DMRT1: variants seen among roughly 807,000 people sequenced by gnomAD.
DMRT1 encodes doublesex and mab-3 related transcription factor 1, also known as doublesex- and mab-3-related transcription factor 1.
Under a neutral mutation model 32.3 loss-of-function variants are expected in DMRT1, and 7 were observed. That is an observed-to-expected ratio of 0.22 (90% CI 0.12 to 0.41). The LOEUF (loss-of-function observed/expected upper bound fraction) is 0.41. DMRT1 is among the 10% of genes least tolerant of loss of function. The pLI is 1.00. For missense variants in DMRT1, 625 were observed against 500.5 expected, an observed-to-expected ratio of 1.25 and a Z score of -2.37; for synonymous variants, 278 against 206.1, an observed-to-expected ratio of 1.35 and a Z score of -2.99.
intron 2 of DMRT1, among the ~76,000 whole-genome samples, chr9:859,000 A>G (rs1039657448): frequency 6.6e-6 from 1 of 151,826 alleles, no homozygotes; most frequent in African/African-American, 2.4e-5. Context: ...CCAGACAGAA[A>G]CTCTGTACCC....
At position 886,565 on chromosome 9, in the gene DMRT1, C is replaced by A. The variant is rs182621174; in HGVS notation, c.539-7347C>A. 4.5e-3 allele frequency among the ~76,000 whole-genome samples: 678 copies of A among 152,128 alleles called. 7 individuals carry two copies. Among genetic ancestry groups the A allele is most frequent in the African/African-American group, 0.015 (643 of 41,510 alleles). Reference sequence around the variant, plus strand: ...GCCACCGTGTACGGCCAAACTGTCACTTCTTACTGTGACTTTTTTTTTTCC... The same window carrying A: ...GCCACCGTGTACGGCCAAACTGTCAATTCTTACTGTGACTTTTTTTTTTCC... On this transcript the variant is annotated intron_variant, in intron 2 of 4. Transcript: ENST00000382276.
chr9:963,514 CCTT>C (rs1163649124), intron 4 of DMRT1, among the ~76,000 whole-genome samples: 2 of 152,124 alleles, frequency 1.3e-5, no homozygotes, highest in Non-Finnish European at 1.5e-5. Flanking sequence ...TACAGCTCAG[CCTT>C]CTTCTTAACT....
At chr9:878,613 T>A (rs1816607840) in intron 2 of DMRT1, among the ~76,000 whole-genome samples, 1 of 152,130 alleles carries the variant, frequency 6.6e-6, no homozygotes, top group Admixed American at 6.5e-5. Context: ...TTGGGAAGCC[T>A]GGCCAGGTGC....
intron 3 of DMRT1, among the ~76,000 whole-genome samples, chr9:915,997 T>C (rs1292738969): frequency 1.3e-5 from 2 of 152,204 alleles, no homozygotes. Context: ...CCTCCCAAAG[T>C]GCTGGGATTA....
At chr9:947,110 C>T (rs1819272002) in intron 4 of DMRT1, among the ~76,000 whole-genome samples, 1 of 152,146 alleles carries the variant, frequency 6.6e-6, no homozygotes, top group South Asian at 2.1e-4. Context: ...TGAACCCTAC[C>T]CCATTTAGTG....
intron 2 of DMRT1, among the ~76,000 whole-genome samples, chr9:878,523 A>G (rs979589501): frequency 1.3e-5 from 2 of 152,106 alleles, no homozygotes; most frequent in African/African-American, 4.8e-5. Flanking sequence ...TTTAGGGAGT[A>G]ATATCACACC....
At chr9:862,304 A>G (rs1815747943) in intron 2 of DMRT1, among the ~76,000 whole-genome samples, 1 of 152,188 alleles carries the variant, frequency 6.6e-6, no homozygotes, top group Admixed American at 6.5e-5. Flanking sequence ...GCTGGAGACC[A>G]GCCCCGCCAA....
At chr9:885,965 C>T (rs1816912344) in intron 2 of DMRT1, among the ~76,000 whole-genome samples, 2 of 152,184 alleles carry the variant, frequency 1.3e-5, no homozygotes, top group Admixed American at 6.5e-5. Flanking sequence ...GAAAACAATG[C>T]TGCTAGCTTT....
rs149705859 is a variant in DMRT1, at chr9:871,765, T to C, written c.539-22147T>C. ...CTGGGATTACAGGCGTGAGCAACCGTGCCTGGCCGGCCTAGTCTTTGAACT... is the reference window on the plus strand; with the variant it reads ...CTGGGATTACAGGCGTGAGCAACCGCGCCTGGCCGGCCTAGTCTTTGAACT... On this transcript the variant is annotated intron_variant, in intron 2 of 4. Coordinates refer to ENST00000382276, the MANE Select transcript of DMRT1 (RefSeq NM_021951.3). Among the ~76,000 whole-genome samples, 521 of 150,768 alleles carry C rather than the reference T, an allele frequency of 3.5e-3. 35 individuals are homozygous for C. Among genetic ancestry groups the C allele is most frequent in the African/African-American group, 0.012 (488 of 40,252 alleles).
intron 3 of DMRT1, among the ~76,000 whole-genome samples, chr9:905,402 G>T (rs549276649): frequency 1.3e-5 from 2 of 151,916 alleles, no homozygotes; most frequent in Non-Finnish European, 2.9e-5. Flanking sequence ...ATAATTCTAT[G>T]TCTGGAGTAT....
intron 4 of DMRT1, among the ~76,000 whole-genome samples, chr9:937,351 G>C (rs1818920988): frequency 6.6e-6 from 1 of 152,168 alleles, no homozygotes; most frequent in African/African-American, 2.4e-5. Flanking sequence ...AGTTCTTCTG[G>C]ATATATATCT....
At chr9:952,073 C>T (rs1167735945) in intron 4 of DMRT1, among the ~76,000 whole-genome samples, 2 of 150,694 alleles carry the variant, frequency 1.3e-5, no homozygotes, top group African/African-American at 5.0e-5. Context: ...AAATGATTGC[C>T]CAGGGTCCCA....
At chr9:853,228 G>A (rs1815238145) in intron 2 of DMRT1, among the ~76,000 whole-genome samples, 1 of 151,940 alleles carries the variant, frequency 6.6e-6, no homozygotes, top group African/African-American at 2.4e-5. Flanking sequence ...TGCTAGCATC[G>A]ATGAACTTAC....
intron 2 of DMRT1, among the ~76,000 whole-genome samples, chr9:883,547 T>G (rs1393724524): frequency 6.6e-6 from 1 of 151,748 alleles, no homozygotes; most frequent in Non-Finnish European, 1.5e-5. Flanking sequence ...ATTCCAGCAC[T>G]TTGGGAGGCT....
chr9:843,191 C>T (rs904780310), intron 1 of DMRT1, among the ~76,000 whole-genome samples: 1 of 152,232 alleles, frequency 6.6e-6, no homozygotes, highest in Non-Finnish European at 1.5e-5. Flanking sequence ...GCAGCGCTGG[C>T]TGCTAGGTTA....
At chr9:950,784 A>G (rs968996731) in intron 4 of DMRT1, among the ~76,000 whole-genome samples, 4 of 152,158 alleles carry the variant, frequency 2.6e-5, no homozygotes, top group Non-Finnish European at 5.9e-5. Context: ...CCTGCAGTTC[A>G]AGTGAAAAGC....
At chr9:939,697 G>A (rs972296795) in intron 4 of DMRT1, among the ~76,000 whole-genome samples, 1 of 152,146 alleles carries the variant, frequency 6.6e-6, no homozygotes, top group Admixed American at 6.5e-5. Context: ...AGCAATACAA[G>A]CTCACGGGGG....
intron 2 of DMRT1, among the ~76,000 whole-genome samples, chr9:876,528 C>CT (rs112659992): frequency 0.4 from 57,805 of 145,626 alleles, 11,618 homozygotes; most frequent in East Asian, 0.57. Flanking sequence ...CGTCAATAGG[C>CT]TTTTTTTTTT....
intron 4 of DMRT1, among the ~76,000 whole-genome samples, chr9:960,011 C>T (rs1487647843): frequency 2.6e-5 from 4 of 152,226 alleles, no homozygotes; most frequent in Middle Eastern, 3.2e-3. Flanking sequence ...GGTAGACATT[C>T]GCAGCTCAAT....
Sources: gnomAD v4.1 joint callset for allele counts (sites outside exome capture counted in the v4.1 genomes callset) on GRCh38, gnomAD v4.1.1 for gene constraint, MANE v1.5 for transcripts, NCBI Gene and HGNC (gene_info 2026-07-23, HGNC 2026-07-21) for gene names.